Variants in FMNL3 observed in about 807,000 individuals in gnomAD.
The protein encoded by FMNL3 is formin-like protein 3.
FMNL3 carries 57 observed loss-of-function variants against 119.6 expected under a neutral mutation model. That is an observed-to-expected ratio of 0.48 (90% CI 0.39 to 0.59). The LOEUF is 0.59. Ranked by LOEUF, FMNL3 falls within the 20% of genes least tolerant of loss-of-function variation. The probability of loss-of-function intolerance (pLI) is 0.00; values close to 1 mark genes in which losing one functional copy is unlikely to be tolerated. For synonymous variants in FMNL3, 491 were observed against 507.3 expected (o/e 0.97, Z 0.43); for missense variants, 1,053 against 1,323.5 (o/e 0.80, Z 3.17).
In FMNL3 at chr12:49,642,027, G is replaced by A; in HGVS notation, c.*3788C>T. 1.2e-6 allele frequency: 2 copies of A among 1,611,936 alleles called. No individual in the cohort carries two copies. The highest frequency in any genetic ancestry group is 1.7e-6 in the Non-Finnish European group (2 of 1,179,896). ...ACATCAAGCTGACCTTCAATAGTGT[G>A]AGGGGCTGGGCGGGGCGTGGGAAGT... On this transcript the variant is annotated 3_prime_UTR_variant, in exon 26 of 26. Transcript: ENST00000335154. The surrounding 1 kb of genome is among the most constrained non-coding windows in gnomAD (Gnocchi z 5.8).
chr12:49,662,987 C>T (rs1943780350), intron 4 of FMNL3, among the ~76,000 whole-genome samples: 1 of 152,298 alleles, frequency 6.6e-6, no homozygotes, highest in Non-Finnish European at 1.5e-5. Flanking sequence ...CCTGCGGGGC[C>T]TTTCTCCCCA....
chr12:49,700,100 A>G (rs1944861118), intron 1 of FMNL3, among the ~76,000 whole-genome samples: 1 of 152,262 alleles, frequency 6.6e-6, no homozygotes, highest in Non-Finnish European at 1.5e-5. Context: ...TAACAGCAAA[A>G]AAAAGATTTT....
chr12:49,674,297 A>C (rs577102583), intron 1 of FMNL3, among the ~76,000 whole-genome samples: 3 of 152,350 alleles, frequency 2.0e-5, no homozygotes, highest in African/African-American at 7.2e-5. Flanking sequence ...ACAGTCAATA[A>C]CACTTGGCCA....
chr12:49,674,527 C>A lies in FMNL3; in HGVS notation c.127-5973G>T, dbSNP rs918488429. 2.6e-5 allele frequency among the ~76,000 whole-genome samples: 4 copies of A among 152,354 alleles called. No individual in the cohort carries two copies. The East Asian group carries it at 7.7e-4, about 29-fold the overall frequency. On this transcript the variant is annotated intron_variant, in intron 1 of 25. Transcript: ENST00000335154. ...ATCTCCTTCCTTATGTGACCCCACACACAGAAGCATGTGAGTACAAGTCTA... is the reference window on the plus strand; with the variant it reads ...ATCTCCTTCCTTATGTGACCCCACAAACAGAAGCATGTGAGTACAAGTCTA...
rs1169172982 is a variant in FMNL3, at chr12:49,640,002, C to T, written c.*5813G>A. 6.6e-6 allele frequency: 1 copy of T among 152,196 alleles called. No homozygotes were observed. Among genetic ancestry groups the T allele is most frequent in the Non-Finnish European group, 1.5e-5 (1 of 68,036 alleles). 9.4% of individuals were successfully genotyped at this position (152,196 alleles called of 1,614,324 possible). On this transcript the variant is annotated 3_prime_UTR_variant, in exon 26 of 26. Transcript: ENST00000335154. ...GTTGATAGGCCTGTAGGGGCCTATCCTCACTGAGTCCTGTCTCTCCACACA... is the reference window on the plus strand; with the variant it reads ...GTTGATAGGCCTGTAGGGGCCTATCTTCACTGAGTCCTGTCTCTCCACACA...
In FMNL3 at chr12:49,637,054, G is replaced by A. The variant is rs555779705; in HGVS notation, c.*8761C>T. ...CTGTGCTCTTCTAGGGAGACTAGAT[G>A]TATGCACCACCCAGAAACTGCCAGT... On this transcript the variant is annotated 3_prime_UTR_variant, in exon 26 of 26. Transcript: ENST00000335154. 6.6e-6 allele frequency: 5 copies of A among 754,362 alleles called. No individual in the cohort carries two copies. The highest frequency in any genetic ancestry group is 1.0e-5 in the Non-Finnish European group (5 of 477,274). The allele number at this position is 754,362 out of a possible 1,614,324, so 46.7% of individuals were successfully genotyped here. A position where few individuals can be genotyped will look rare whatever the true frequency, so the allele number is the denominator to read the frequency against.
chr12:49,646,769 G>C (rs754414046), intron 25 of FMNL3, 117 bp downstream of exon 25: 1 of 1,603,780 alleles, frequency 6.2e-7, no homozygotes, highest in East Asian at 2.2e-5. Context: ...GCCCAGGAGA[G>C]AGACACAGTG....
chr12:49,668,141 G>C (rs1236271971), intron 2 of FMNL3, among the ~76,000 whole-genome samples: 5 of 152,218 alleles, frequency 3.3e-5, no homozygotes, highest in African/African-American at 1.2e-4. Flanking sequence ...GACAGAGTGA[G>C]AGATCAACAG....
intron 4 of FMNL3, among the ~76,000 whole-genome samples, chr12:49,665,190 G>C (rs1327732322): frequency 6.7e-6 from 1 of 150,304 alleles, no homozygotes; most frequent in African/African-American, 2.5e-5. Context: ...TTAGCTCTTT[G>C]CTTGTTCAGC....
In FMNL3 at chr12:49,641,698, C is replaced by A; in HGVS notation, c.*4117G>T. On this transcript the variant is annotated 3_prime_UTR_variant, in exon 26 of 26. Coordinates refer to ENST00000335154, the MANE Select transcript of FMNL3 (RefSeq NM_175736.5). ...GAGACATCTCCCAACCCCTTCAGCT[C>A]TGTGTGACATCCAAACCAAGGGTAG... The A allele has an allele frequency of 1.7e-6, 1 of 577,414 alleles. No homozygotes were observed. Among genetic ancestry groups the A allele is most frequent in the Non-Finnish European group, 3.1e-6 (1 of 324,260 alleles). The allele number at this position is 577,414 out of a possible 1,614,324, so 35.8% of individuals were successfully genotyped here.
intron 1 of FMNL3, among the ~76,000 whole-genome samples, chr12:49,700,714 C>CAAAAAAAAAAAAA (rs59073094): frequency 1.6e-5 from 1 of 64,006 alleles, no homozygotes; most frequent in Non-Finnish European, 2.8e-5. Context: ...GACTCCACCT[C>CAAAAAAAAAAAAA]AAAAAAAAAA....
rs771178459 is a variant in FMNL3, at chr12:49,647,228, C to T, written c.2871+48G>A. The T allele has an allele frequency of 1.2e-6, 2 of 1,607,652 alleles. No individual in the cohort carries two copies. The highest frequency in any genetic ancestry group is 1.7e-6 in the Non-Finnish European group (2 of 1,174,602). On this transcript the variant is annotated intron_variant, in intron 24 of 25. Coordinates refer to ENST00000335154, the MANE Select transcript of FMNL3 (RefSeq NM_175736.5). This position sits in a 1 kb window ranked among gnomAD's most constrained non-coding sequence, Gnocchi z 4.9. ...CTAGCCTTCTGACCCCCAGCCCCCACTCTTTTGCCTTGTCGTCCTCCAGGC... is the reference window on the plus strand; with the variant it reads ...CTAGCCTTCTGACCCCCAGCCCCCATTCTTTTGCCTTGTCGTCCTCCAGGC...
In FMNL3 at chr12:49,652,170, T is replaced by A; in HGVS notation, c.1366A>T (p.Arg456Trp). The part of the protein sequence containing the change: ...NTSHQVHTLR[R>W]LIKEKEEAFQ... The stretch of plus-strand genomic sequence containing the variant: ...GCCTCCTCCTTCTCTTTAATGAGCC[T>A]CCGCAGGGTGTGCACCTGGTGGCTT... Residue 456 changes from arginine to tryptophan, a missense_variant, in exon 14 of 26, where the codon AGG becomes TGG. By Grantham distance (101) the Arg-to-Trp change is moderately radical. Coordinates refer to ENST00000335154, the MANE Select transcript of FMNL3 (RefSeq NM_175736.5). 6.2e-7 allele frequency: 1 copy of A among 1,613,284 alleles called. No individual in the cohort carries two copies.
rs550527975 is a variant in FMNL3, at chr12:49,643,153, G to A, written c.*2662C>T. 1.2e-4 allele frequency: 197 copies of A among 1,597,550 alleles called. 1 individual carries two copies. In the African/African-American group the frequency reaches 1.8e-3, roughly 15 times the overall value. ...TGGCCCTGGGTCCTCCTCCTCTCTC[G>A]AATTCCCAGACGAGGGCTTCTGGAG... On this transcript the variant is annotated 3_prime_UTR_variant, in exon 26 of 26. Transcript: ENST00000335154.
intron 1 of FMNL3, among the ~76,000 whole-genome samples, chr12:49,694,369 C>G (rs549400806): frequency 2.6e-5 from 4 of 152,334 alleles, no homozygotes; most frequent in South Asian, 2.1e-4. Flanking sequence ...TCAGGCTCTT[C>G]CCCATTCCTT....
At position 49,658,465 on chromosome 12, in the gene FMNL3, G is replaced by C. The variant is rs760413042; in HGVS notation, c.582C>G (p.Arg194=). ...ACCGGAGCACAGACTGGCGCGCAGA[G>C]CGAGCGAGGCTGTTGGTGAAGGGGG... The part of the protein sequence containing the change: ...LSAPFTNSLA[R]SARQSVLRYS... The change falls in exon 6 of 26, where the codon CGC becomes CGG. Residue 194 remains arginine, a synonymous_variant. Coordinates refer to ENST00000335154, the MANE Select transcript of FMNL3 (RefSeq NM_175736.5). The C allele has an allele frequency of 1.2e-6, 2 of 1,610,710 alleles. No homozygotes were observed. Among genetic ancestry groups the C allele is most frequent in the South Asian group, 2.2e-5 (2 of 90,692 alleles).
rs1350332920 is a variant in FMNL3, at chr12:49,672,624, C to G, written c.127-4070G>C. Reference sequence around the variant, plus strand: ...TCCTAACTCTCCACCTGACCCCTGACAGCCCCAGTCAAGCCAAGGAGGGAG... The same window carrying G: ...TCCTAACTCTCCACCTGACCCCTGAGAGCCCCAGTCAAGCCAAGGAGGGAG... On this transcript the variant is annotated intron_variant, in intron 1 of 25. Transcript: ENST00000335154. Among the ~76,000 whole-genome samples the G allele has an allele frequency of 2.6e-5, 4 of 152,364 alleles. No individual in the cohort carries two copies. The East Asian group carries it at 5.8e-4, about 22-fold the overall frequency.
intron 1 of FMNL3, among the ~76,000 whole-genome samples, chr12:49,703,119 C>A (rs1944953630): frequency 6.6e-6 from 1 of 152,192 alleles, no homozygotes; most frequent in African/African-American, 2.4e-5. Context: ...ATATACAGGG[C>A]TTTTTCTGGC....
At chr12:49,684,535 TA>T (rs771393770) in intron 1 of FMNL3, among the ~76,000 whole-genome samples, 1 of 152,236 alleles carries the variant, frequency 6.6e-6, no homozygotes, top group Admixed American at 6.5e-5. Flanking sequence ...GGTTATCCTC[TA>T]GCTTCTGAGA....
Sources: allele counts gnomAD v4.1 joint callset (sites outside exome capture counted in the v4.1 genomes callset), GRCh38; gene constraint gnomAD v4.1.1; non-coding constraint Gnocchi (gnomAD v3.1); transcripts MANE v1.5; gene names NCBI Gene and HGNC (gene_info 2026-07-23, HGNC 2026-07-21).